PIEZO2: variants seen among roughly 807,000 people sequenced by gnomAD.
PIEZO2 encodes piezo-type mechanosensitive ion channel component 2.
PIEZO2 carries 172 observed loss-of-function variants against 337.3 expected under a neutral mutation model. The ratio of observed to expected loss-of-function variants is 0.51; its 90% CI spans 0.45 to 0.58. The LOEUF is 0.58. PIEZO2 is among the 20% of genes least tolerant of loss of function. The pLI is 0.00. For missense variants in PIEZO2, 3,028 were observed against 3,391.3 expected (o/e 0.89, Z 2.66); for synonymous variants, 1,251 against 1,228.5 (o/e 1.02, Z -0.38).
intron 40 of PIEZO2, among the ~76,000 whole-genome samples, chr18:10,706,979 G>A (rs1438067409): frequency 6.6e-6 from 1 of 152,158 alleles, no homozygotes; most frequent in Non-Finnish European, 1.5e-5. Flanking sequence ...ATGAATGAAT[G>A]AACCTTGGCA....
chr18:10,955,932 A>G (rs1355958270), intron 3 of PIEZO2, among the ~76,000 whole-genome samples: 1 of 152,236 alleles, frequency 6.6e-6, no homozygotes, highest in Non-Finnish European at 1.5e-5. Context: ...GTGGGTGATC[A>G]ATAAATATTT....
In PIEZO2 at chr18:10,815,255, A is replaced by T. The variant is rs2040327783; in HGVS notation, c.918-7981T>A. Among the ~76,000 whole-genome samples, 1 of 152,216 alleles carries T rather than the reference A, an allele frequency of 6.6e-6. No individual in the cohort carries two copies. Among genetic ancestry groups the T allele is most frequent in the African/African-American group, 2.4e-5 (1 of 41,460 alleles). ...ACCTTTTAAATGAAATTGCCTTAGCATGAACTCAGGATAAACTTAAAATCA... is the reference window on the plus strand; with the variant it reads ...ACCTTTTAAATGAAATTGCCTTAGCTTGAACTCAGGATAAACTTAAAATCA... On this transcript the variant is annotated intron_variant, in intron 7 of 55. Transcript: ENST00000674853. The surrounding 1 kb of genome is among the most constrained non-coding windows in gnomAD (Gnocchi z 4.1).
At chr18:10,926,682 T>A (rs1312811364) in intron 3 of PIEZO2, among the ~76,000 whole-genome samples, 1 of 152,180 alleles carries the variant, frequency 6.6e-6, no homozygotes, top group African/African-American at 2.4e-5. Flanking sequence ...AAAAATATCA[T>A]GTCCGGGCCA....
chr18:11,074,925 T>A (rs899437436), intron 1 of PIEZO2, among the ~76,000 whole-genome samples: 1 of 152,198 alleles, frequency 6.6e-6, no homozygotes, highest in Non-Finnish European at 1.5e-5. Flanking sequence ...AGAGCTAAAT[T>A]TTTGGCAAGA....
rs1363051885 is a variant in PIEZO2 at position 11,132,224 on chromosome 18, C to T, written c.64+16301G>A. On this transcript the variant is annotated intron_variant, in intron 1 of 55. Transcript: ENST00000674853. The surrounding 1 kb of genome is among the most constrained non-coding windows in gnomAD (Gnocchi z 4.7). ...CTGCCAAGACTACCATCCATGGACT[C>T]ACAGAATGCCTTATCCACCAACATG... is the stretch of plus-strand genomic sequence containing the variant. Among the ~76,000 whole-genome samples, 2 of 152,174 alleles carry T rather than the reference C, an allele frequency of 1.3e-5. No individual in the cohort carries two copies. The highest frequency in any genetic ancestry group is 4.8e-5 in the African/African-American group (2 of 41,438).
rs1382749139 is a variant in PIEZO2 at position 11,069,547 on chromosome 18, G to A, written c.65-3325C>T. Among the ~76,000 whole-genome samples the A allele has an allele frequency of 6.6e-6, 1 of 152,198 alleles. No individual in the cohort carries two copies. Among genetic ancestry groups the A allele is most frequent in the Non-Finnish European group, 1.5e-5 (1 of 68,042 alleles). ...GACTTCAACACAATAAAGGCCATAT[G>A]TAACACACACACAGCTAATATCACA... On this transcript the variant is annotated intron_variant, in intron 1 of 55. Coordinates refer to ENST00000674853, the MANE Select transcript of PIEZO2 (RefSeq NM_001378183.1). The surrounding 1 kb of genome is among the most constrained non-coding windows in gnomAD (Gnocchi z 4.9).
intron 7 of PIEZO2, among the ~76,000 whole-genome samples, chr18:10,816,096 T>G (rs1460005240): frequency 6.6e-6 from 1 of 152,218 alleles, no homozygotes; most frequent in Non-Finnish European, 1.5e-5. Flanking sequence ...CTAAGTCTCA[T>G]GCTGGAAGCC....
chr18:10,940,562 C>T lies in PIEZO2; in HGVS notation c.287-29334G>A, dbSNP rs2032670205. ...TGCTTTTGTGCCTGCTGATAATGTT[C>T]ACATGTCTAAAAGAATTCAGGCCGG... On this transcript the variant is annotated intron_variant, in intron 3 of 55. Coordinates refer to ENST00000674853, the MANE Select transcript of PIEZO2 (RefSeq NM_001378183.1). The surrounding 1 kb of genome is among the most constrained non-coding windows in gnomAD (Gnocchi z 5.3). 6.6e-6 allele frequency among the ~76,000 whole-genome samples: 1 copy of T among 152,184 alleles called. No individual in the cohort carries two copies. The highest frequency in any genetic ancestry group is 2.4e-5 in the African/African-American group (1 of 41,436).
At position 10,760,901 on chromosome 18, in the gene PIEZO2, G is replaced by A. The variant is rs2038099731; in HGVS notation, c.3450+10C>T. On this transcript the variant is annotated intron_variant, in intron 24 of 55. Transcript: ENST00000674853. ...AAAGAGAAATAAAACATATCAGCAA[G>A]GAAACTCACCTCCAGACCAAACTTG... The A allele has an allele frequency of 6.6e-7, 1 of 1,515,384 alleles. No individual in the cohort carries two copies. The highest frequency in any genetic ancestry group is 1.4e-5 in the African/African-American group (1 of 72,422). 93.9% of individuals were successfully genotyped at this position (1,515,384 alleles called of 1,614,324 possible). A position where few individuals can be genotyped will look rare whatever the true frequency, so the allele number is the denominator to read the frequency against.
Position 10,672,735 on chromosome 18 carries a change from T to C in PIEZO2, c.8300A>G (p.Asn2767Ser), listed in dbSNP as rs376761944. ...NSQALELVVF[N>S]DKVSPPSLGF... is the part of the protein sequence containing the mutation. ...CAGACTTGGGGGACTGACTTTGTCA[T>C]TGAAGACCACCAGTTCCAGGGCCTG... Residue 2767 changes from asparagine (N) to serine (S), a missense_variant, in exon 55 of 56, where the codon AAT (asparagine) becomes AGT (serine). Physicochemically the swap from Asn to Ser is conservative, Grantham distance 46. Transcript: ENST00000674853. This position sits in a 1 kb window ranked among gnomAD's most constrained non-coding sequence, Gnocchi z 4.7. The C allele has an allele frequency of 4.9e-5, 79 of 1,614,018 alleles. No homozygotes were observed. The highest frequency in any genetic ancestry group is 5.5e-5 in the Non-Finnish European group (65 of 1,179,996).
rs1346230110 is a variant in PIEZO2, at chr18:11,097,058, T to C, written c.65-30836A>G. On this transcript the variant is annotated intron_variant, in intron 1 of 55. Transcript: ENST00000674853. This position sits in a 1 kb window ranked among gnomAD's most constrained non-coding sequence, Gnocchi z 5.0. ...GCTAATGAGTTAAGTCTGTCTCCAGTGTAGGACGATCTTTTGTATACAAGG... is the reference window on the plus strand; with the variant it reads ...GCTAATGAGTTAAGTCTGTCTCCAGCGTAGGACGATCTTTTGTATACAAGG... 2.0e-5 allele frequency among the ~76,000 whole-genome samples: 3 copies of C among 152,222 alleles called. No individual in the cohort carries two copies. Among genetic ancestry groups the C allele is most frequent in the Non-Finnish European group, 4.4e-5 (3 of 68,044 alleles).
chr18:10,985,547 T>C (rs2034838186), intron 2 of PIEZO2, among the ~76,000 whole-genome samples: 1 of 152,106 alleles, frequency 6.6e-6, no homozygotes, highest in South Asian at 2.1e-4. Context: ...GTTCTATTTG[T>C]CTGTTTTTTA....
intron 1 of PIEZO2, among the ~76,000 whole-genome samples, chr18:11,108,459 C>CAA (rs202239380): frequency 1.6e-4 from 24 of 150,706 alleles, no homozygotes; most frequent in East Asian, 6.0e-4. Context: ...ACTAAAAATA[C>CAA]AAAAAGTAGC....
chr18:10,705,096 C>T (rs1411626416), intron 41 of PIEZO2, among the ~76,000 whole-genome samples: 1 of 152,152 alleles, frequency 6.6e-6, no homozygotes, highest in Non-Finnish European at 1.5e-5. Context: ...TAATATCAGA[C>T]CTTATTATAG....
At position 10,771,981 on chromosome 18, in the gene PIEZO2, T is replaced by C. The variant is rs1382731438; in HGVS notation, c.2785+1431A>G. On this transcript the variant is annotated intron_variant, in intron 20 of 55. Transcript: ENST00000674853. ...GCTCCAAGTGAAAGAGTAGTGATGC[T>C]GGCAATTTGAATATGCCAGAGAGAA... Among the ~76,000 whole-genome samples, 3 of 152,360 alleles carry C rather than the reference T, an allele frequency of 2.0e-5. No individual in the cohort carries two copies. In the East Asian group the frequency reaches 5.8e-4, roughly 29 times the overall value.
chr18:10,993,620 G>A lies in PIEZO2; in HGVS notation c.161-13960C>T, dbSNP rs932392183. The stretch of plus-strand genomic sequence containing the variant: ...CGCCTCACTGCAACCTCCGCCTCCC[G>A]GGTTAACGCCATTCTCCTGCCTCAG... On this transcript the variant is annotated intron_variant, in intron 2 of 55. Coordinates refer to ENST00000674853, the MANE Select transcript of PIEZO2 (RefSeq NM_001378183.1). The surrounding 1 kb of genome is among the most constrained non-coding windows in gnomAD (Gnocchi z 5.0). Among the ~76,000 whole-genome samples the A allele has an allele frequency of 1.4e-4, 21 of 152,140 alleles. No homozygotes were observed. Among genetic ancestry groups the A allele is most frequent in the African/African-American group, 3.6e-4 (15 of 41,518 alleles).
At chr18:11,135,053 AT>A (rs58256073) in intron 1 of PIEZO2, among the ~76,000 whole-genome samples, 240 of 115,140 alleles carry the variant, frequency 2.1e-3, no homozygotes, top group African/African-American at 5.3e-3. Flanking sequence ...AAAAAAAAAA[AT>A]TTTTTTTCTT....
intron 52 of PIEZO2, among the ~76,000 whole-genome samples, chr18:10,678,586 T>A (rs1207344729): frequency 6.6e-6 from 1 of 152,200 alleles, no homozygotes; most frequent in Non-Finnish European, 1.5e-5. Flanking sequence ...TAAGCTTGCT[T>A]AGGGTTCTAA....
intron 1 of PIEZO2, among the ~76,000 whole-genome samples, chr18:11,138,691 G>C (rs1437334488): frequency 6.6e-6 from 1 of 152,180 alleles, no homozygotes; most frequent in Non-Finnish European, 1.5e-5. Flanking sequence ...TGAACCTACA[G>C]ACACATAGAA....
Sources: allele counts gnomAD v4.1 joint callset (sites outside exome capture counted in the v4.1 genomes callset), GRCh38; gene constraint gnomAD v4.1.1; non-coding constraint Gnocchi (gnomAD v3.1); transcripts MANE v1.5; gene names NCBI Gene and HGNC (gene_info 2026-07-23, HGNC 2026-07-21).